EFCAB13: variants seen among roughly 807,000 people sequenced by gnomAD.
EFCAB13 encodes the protein EF-hand calcium binding domain 13, also known as EF-hand calcium-binding domain-containing protein 13.
In EFCAB13, 91 loss-of-function variants were observed where a neutral mutation model predicts 110.2. The observed-to-expected ratio is 0.83, with a 90% confidence interval of 0.70 to 0.98. The LOEUF (loss-of-function observed/expected upper bound fraction) is 0.98. EFCAB13 is among the 50% of genes least tolerant of loss of function. The pLI is 0.00. For missense variants in EFCAB13, 968 were observed against 1,119.4 expected, an observed-to-expected ratio of 0.86 and a Z score of 1.93; for synonymous variants, 323 against 369.9, an observed-to-expected ratio of 0.87 and a Z score of 1.45.
At chr17:47,334,106 T>A (rs1449303022) in intron 4 of EFCAB13, among the ~76,000 whole-genome samples, 2 of 151,584 alleles carry the variant, frequency 1.3e-5, no homozygotes, top group African/African-American at 4.8e-5. Flanking sequence ...TTCTTCAGTT[T>A]CCTTTATCAA....
chr17:47,414,325 C>T (rs959487765), intron 22 of EFCAB13, among the ~76,000 whole-genome samples: 9 of 152,034 alleles, frequency 5.9e-5, no homozygotes, highest in African/African-American at 2.2e-4. Flanking sequence ...CTCCTCTGGC[C>T]TTAGACTGCA....
chr17:47,329,339 T>C (rs763313315), intron 4 of EFCAB13, among the ~76,000 whole-genome samples: 2 of 152,100 alleles, frequency 1.3e-5, no homozygotes, highest in Non-Finnish European at 2.9e-5. Flanking sequence ...AGTTTAGGGC[T>C]CAAGTGAAAT....
chr17:47,360,172 C>T (rs898332802), intron 9 of EFCAB13, among the ~76,000 whole-genome samples: 5 of 152,104 alleles, frequency 3.3e-5, no homozygotes, highest in African/African-American at 1.2e-4. Context: ...AATGGTATTT[C>T]TAGTTCTAGA....
chr17:47,328,420 T>G (rs1321346304), intron 4 of EFCAB13, 37 bp downstream of exon 4: 1 of 1,506,728 alleles, frequency 6.6e-7, no homozygotes, highest in African/African-American at 1.4e-5. Context: ...ATTTCTTCTT[T>G]CTTCTTTTTA....
At position 47,391,676 on chromosome 17, in the gene EFCAB13, A is replaced by G. The variant is rs141554085; in HGVS notation, c.1726+96A>G. The G allele has an allele frequency of 4.1e-3, 4,723 of 1,139,434 alleles. 13 individuals are homozygous for G. Among genetic ancestry groups the G allele is most frequent in the Non-Finnish European group, 5.1e-3 (4,288 of 835,554 alleles). 70.6% of individuals were successfully genotyped at this position (1,139,434 alleles called of 1,614,324 possible). On this transcript the variant is annotated intron_variant, in intron 15 of 24. Coordinates refer to ENST00000331493, the MANE Select transcript of EFCAB13 (RefSeq NM_152347.5). ...TAGAAAAATGACTAATTTTTTTATT[A>G]TAAAAAGTTAAAATTAAACTAATAC... is the stretch of plus-strand genomic sequence containing the variant.
intron 23 of EFCAB13, among the ~76,000 whole-genome samples, chr17:47,424,435 A>G (rs997384805): frequency 6.6e-6 from 1 of 152,256 alleles, no homozygotes; most frequent in Non-Finnish European, 1.5e-5. Flanking sequence ...AACTCACTTC[A>G]GCAGAATAAT....
intron 13 of EFCAB13, 34 bp from the exon 14 acceptor site, chr17:47,379,148 C>A: frequency 1.3e-6 from 2 of 1,534,508 alleles, no homozygotes; most frequent in Non-Finnish European, 9.0e-7. Flanking sequence ...AAAAATACAC[C>A]AGAATGTATA....
intron 14 of EFCAB13, among the ~76,000 whole-genome samples, chr17:47,391,187 C>T (rs774438961): frequency 5.3e-5 from 8 of 152,064 alleles, no homozygotes; most frequent in Non-Finnish European, 1.0e-4. Context: ...GTGATTCTTC[C>T]GCCTGGCCTC....
intron 11 of EFCAB13, among the ~76,000 whole-genome samples, chr17:47,372,466 T>C (rs2065590360): frequency 6.6e-6 from 1 of 152,222 alleles, no homozygotes. Flanking sequence ...ACCTTCATAC[T>C]ATGTAAGTGA....
chr17:47,339,277 G>A (rs767822909), intron 5 of EFCAB13, among the ~76,000 whole-genome samples: 1 of 152,064 alleles, frequency 6.6e-6, no homozygotes, highest in Non-Finnish European at 1.5e-5. Flanking sequence ...TTATTGTTGT[G>A]TAGTTTATGG....
In EFCAB13 at chr17:47,417,837, T is replaced by C. The variant is rs150572837; in HGVS notation, c.2494+2918T>C. Among the ~76,000 whole-genome samples, 24 of 152,358 alleles carry C rather than the reference T, an allele frequency of 1.6e-4. 1 individual carries two copies. The East Asian group carries it at 2.9e-3, about 18-fold the overall frequency. On this transcript the variant is annotated intron_variant, in intron 23 of 24. Transcript: ENST00000331493. ...TGTGGCATCCTACTGAAGCCTTTCA[T>C]GTTCTCTCTGTCAGGGTTTTCTTCC...
At chr17:47,422,302 A>C (rs1904748557) in intron 23 of EFCAB13, among the ~76,000 whole-genome samples, 1 of 152,204 alleles carries the variant, frequency 6.6e-6, no homozygotes, top group African/African-American at 2.4e-5. Context: ...GAAAATTTTA[A>C]ATTCTTGCTC....
At chr17:47,350,851 T>A (rs1321423361) in intron 9 of EFCAB13, among the ~76,000 whole-genome samples, 2 of 152,182 alleles carry the variant, frequency 1.3e-5, no homozygotes, top group Admixed American at 1.3e-4. Flanking sequence ...ATGTTAGCAA[T>A]TCTTCTCTTC....
In EFCAB13 at chr17:47,403,843, T is replaced by C; in HGVS notation, c.2018-35T>C. 8 of 1,570,184 alleles carry C rather than the reference T, an allele frequency of 5.1e-6. No individual in the cohort carries two copies. The South Asian group carries it at 7.2e-5, about 14-fold the overall frequency. On this transcript the variant is annotated intron_variant, in intron 18 of 24. Transcript: ENST00000331493. The stretch of plus-strand genomic sequence containing the variant: ...AACAAATGTCTTGAGTGATGGCTAC[T>C]GCTTTTTATTAATTAACTTTTTTTC...
chr17:47,430,687 A>C (rs1905098161), intron 24 of EFCAB13: 1 of 152,154 alleles, frequency 6.6e-6, no homozygotes, highest in East Asian at 1.9e-4. Flanking sequence ...TATTGAATAA[A>C]GTTGTTCTCT....
intron 14 of EFCAB13, among the ~76,000 whole-genome samples, chr17:47,387,598 A>G (rs1409439576): frequency 7.2e-5 from 11 of 152,138 alleles, no homozygotes; most frequent in African/African-American, 2.7e-4. Flanking sequence ...AGATTTCCTT[A>G]AAACCACTAT....
intron 16 of EFCAB13, 85 bp downstream of exon 16, chr17:47,394,184 C>A: frequency 1.3e-6 from 1 of 789,870 alleles, no homozygotes; most frequent in Non-Finnish European, 1.9e-6. Context: ...CTTTTAGTCT[C>A]TTATAGAGCT....
At chr17:47,341,214 C>T (rs2065382638) in intron 5 of EFCAB13, among the ~76,000 whole-genome samples, 1 of 152,060 alleles carries the variant, frequency 6.6e-6, no homozygotes, top group African/African-American at 2.4e-5. Context: ...GTTAAAAAGA[C>T]ATTTCAGTCA....
intron 22 of EFCAB13, among the ~76,000 whole-genome samples, chr17:47,414,470 GC>G (rs1904361322): frequency 6.8e-6 from 1 of 147,436 alleles, no homozygotes; most frequent in Non-Finnish European, 1.5e-5. Flanking sequence ...CAGAGATTGC[GC>G]CACTGCACTC....
Sources: gnomAD v4.1 joint callset for allele counts (sites outside exome capture counted in the v4.1 genomes callset) on GRCh38, gnomAD v4.1.1 for gene constraint, MANE v1.5 for transcripts, NCBI Gene and HGNC (gene_info 2026-07-23, HGNC 2026-07-21) for gene names.